Variants in IFT122 observed in about 807,000 individuals in gnomAD.
IFT122 encodes the protein intraflagellar transport protein 122 homolog.
Under a neutral mutation model 161.6 loss-of-function variants are expected in IFT122, and 118 were observed. The ratio of observed to expected loss-of-function variants is 0.73; its 90% confidence interval spans 0.63 to 0.85. The LOEUF (loss-of-function observed/expected upper bound fraction) is 0.85. Ranked by LOEUF, IFT122 falls within the 40% of genes least tolerant of loss-of-function variation. The pLI is 0.00. For missense variants in IFT122, 1,381 were observed against 1,579.6 expected (o/e 0.87, Z 2.13); for synonymous variants, 550 against 602.4 (o/e 0.91, Z 1.27).
intron 26 of IFT122, among the ~76,000 whole-genome samples, chr3:129,516,234 C>T (rs1560020940): frequency 2.3e-5 from 3 of 133,066 alleles, no homozygotes; most frequent in African/African-American, 8.7e-5. Context: ...CACACACAGA[C>T]TGCCCCTGCG....
At chr3:129,499,423 C>A (rs1020954664) in intron 18 of IFT122, among the ~76,000 whole-genome samples, 1 of 94,018 alleles carries the variant, frequency 1.1e-5, no homozygotes, top group African/African-American at 8.2e-5. Flanking sequence ...CACTCTGAAG[C>A]ATGTGGTATC....
chr3:129,469,675 C>T (rs1184166012), intron 9 of IFT122, among the ~76,000 whole-genome samples: 1 of 152,134 alleles, frequency 6.6e-6, no homozygotes, highest in African/African-American at 2.4e-5. Flanking sequence ...AAATTATATG[C>T]CCAAGATCTC....
At chr3:129,450,352 T>G (rs766404479) in intron 2 of IFT122, among the ~76,000 whole-genome samples, 1 of 152,242 alleles carries the variant, frequency 6.6e-6, no homozygotes, top group Non-Finnish European at 1.5e-5. Context: ...CAGTTCCATA[T>G]GGATGTTGTC....
chr3:129,494,076 G>T (rs2080510729), intron 17 of IFT122, among the ~76,000 whole-genome samples: 1 of 152,196 alleles, frequency 6.6e-6, no homozygotes. Flanking sequence ...CCTGCTGACG[G>T]GGGGAAAGAA....
intron 15 of IFT122, among the ~76,000 whole-genome samples, chr3:129,486,700 G>C (rs1369195086): frequency 6.6e-6 from 1 of 152,200 alleles, no homozygotes; most frequent in East Asian, 1.9e-4. Flanking sequence ...CTGGTGCTGA[G>C]AAAATACAGT....
At chr3:129,445,370 G>T (rs965110821) in intron 1 of IFT122, among the ~76,000 whole-genome samples, 26 of 152,092 alleles carry the variant, frequency 1.7e-4, no homozygotes, top group Admixed American at 1.7e-3. Flanking sequence ...GCCTTGGTTT[G>T]AATCCTGGCT....
intron 16 of IFT122, among the ~76,000 whole-genome samples, chr3:129,490,991 C>T (rs369000063): frequency 6.6e-6 from 1 of 152,204 alleles, no homozygotes; most frequent in East Asian, 1.9e-4. Context: ...AGTTGGAGAG[C>T]TCTTAGCTCT....
At chr3:129,456,052 T>C in intron 3 of IFT122, 1 of 455,724 alleles carries the variant, frequency 2.2e-6, no homozygotes, top group Non-Finnish European at 4.4e-6. Context: ...GTACATACAC[T>C]CATTTAATCT....
At chr3:129,451,214 T>C (rs756861465) in intron 2 of IFT122, among the ~76,000 whole-genome samples, 3 of 152,308 alleles carry the variant, frequency 2.0e-5, no homozygotes, top group South Asian at 2.1e-4. Context: ...TCTTCCCACC[T>C]CAGCCTCCCG....
intron 14 of IFT122, among the ~76,000 whole-genome samples, chr3:129,483,088 C>T (rs1406166596): frequency 1.4e-5 from 2 of 142,570 alleles, no homozygotes; most frequent in East Asian, 2.1e-4. Flanking sequence ...GCTGGCTTTT[C>T]CTCTTCTCCA....
intron 3 of IFT122, 129 bp downstream of exon 3, chr3:129,452,127 G>A: frequency 1.4e-6 from 1 of 728,572 alleles, no homozygotes; most frequent in Non-Finnish European, 2.5e-6. Flanking sequence ...CAGTGAAGTT[G>A]CTAAGACTTC....
intron 17 of IFT122, among the ~76,000 whole-genome samples, chr3:129,494,710 TG>T (rs2080626064): frequency 2.2e-5 from 3 of 139,340 alleles, no homozygotes; most frequent in Admixed American, 7.5e-5. Context: ...GTGTGTGTGT[TG>T]TTGGGGACAT....
At chr3:129,503,312 A>G (rs1439072387) in intron 20 of IFT122, among the ~76,000 whole-genome samples, 2 of 152,132 alleles carry the variant, frequency 1.3e-5, no homozygotes, top group African/African-American at 4.8e-5. Context: ...TTCCAGATCC[A>G]GACTGTGAGA....
At chr3:129,480,050 G>T in intron 13 of IFT122, 128 bp downstream of exon 13, 1 of 1,197,214 alleles carries the variant, frequency 8.4e-7, no homozygotes, top group Non-Finnish European at 1.2e-6. Flanking sequence ...TGGGTGAATT[G>T]TGGGGCAGCC....
In IFT122 at chr3:129,476,334, T is replaced by A; in HGVS notation, c.836T>A (p.Leu279Gln). 1 of 1,614,264 alleles carries A rather than the reference T, an allele frequency of 6.2e-7. No individual in the cohort carries two copies. Among genetic ancestry groups the A allele is most frequent in the Non-Finnish European group, 8.5e-7 (1 of 1,180,052 alleles). The change falls in exon 10 of 30, where the codon CTG becomes CAG. Residue 279 changes from leucine (L) to glutamine (Q), a missense_variant. Physicochemically the swap from Leu to Gln is moderately radical, Grantham distance 113 (BLOSUM62 -2). Transcript: ENST00000348417. ...CCTCAGATTGGAAAGGATCGGGCACTGAACTTTGACCCCTGCTGCATCAGC... is the reference window on the plus strand; with the variant it reads ...CCTCAGATTGGAAAGGATCGGGCACAGAACTTTGACCCCTGCTGCATCAGC... ...SGKQIGKDRA[L>Q]NFDPCCISYF...
intron 15 of IFT122, among the ~76,000 whole-genome samples, chr3:129,484,106 T>G (rs1577704344): frequency 6.8e-6 from 1 of 146,522 alleles, no homozygotes; most frequent in Non-Finnish European, 1.5e-5. Context: ...GTGGGGGGTG[T>G]GGGCTGAGGT....
At position 129,457,695 on chromosome 3, in the gene IFT122, TA is replaced by T. The variant is rs562128555; in HGVS notation, c.194-902del. ...TATTGCACAGCATGGTGACCATAGT[TA>T]ATAATAGCGTATATTTCAAAACTGG... On this transcript the variant is annotated intron_variant, in intron 3 of 29. Transcript: ENST00000348417. Among the ~76,000 whole-genome samples, 7 of 152,016 alleles carry T rather than the reference TA, an allele frequency of 4.6e-5. No homozygotes were observed. The South Asian group carries it at 1.5e-3, about 32-fold the overall frequency.
intron 19 of IFT122, among the ~76,000 whole-genome samples, chr3:129,502,475 C>G (rs997089443): frequency 3.9e-5 from 6 of 152,170 alleles, no homozygotes; most frequent in Non-Finnish European, 8.8e-5. Flanking sequence ...CTGGATAGCT[C>G]AGTGACTTCC....
chr3:129,460,860 G>A, intron 4 of IFT122: 6 of 1,613,428 alleles, frequency 3.7e-6, no homozygotes, highest in Non-Finnish European at 5.1e-6. Context: ...CCAGATCTTG[G>A]TCTGTGATGT....
Sources: allele counts gnomAD v4.1 joint callset (sites outside exome capture counted in the v4.1 genomes callset), GRCh38; gene constraint gnomAD v4.1.1; transcripts MANE v1.5; gene names NCBI Gene and HGNC (gene_info 2026-07-23, HGNC 2026-07-21).